Variants in DNAAF6 observed in about 807,000 individuals in gnomAD.
The protein encoded by DNAAF6 is dynein axonemal assembly factor 6.
Under a neutral mutation model 13.7 loss-of-function variants are expected in DNAAF6, and 3 were observed. That is an observed-to-expected ratio of 0.22 (90% confidence interval 0.10 to 0.56). The LOEUF is 0.56. DNAAF6 is among the 20% of genes least tolerant of loss of function. DNAAF6 has a pLI of 0.92. For synonymous variants in DNAAF6, 54 were observed against 49.2 expected (o/e 1.10, Z -0.41); for missense variants, 130 against 151.0 (o/e 0.86, Z 0.73).
chrX:107,218,642 T>G (rs184336742), intron 3 of DNAAF6, among the ~76,000 whole-genome samples: 2 of 111,265 alleles, frequency 1.8e-5, no homozygotes, highest in Admixed American at 9.6e-5. Context: ...TTTGCCAAAT[T>G]CTCTACAGTT....
At chrX:107,229,011 G>A (rs1928318247) in intron 5 of DNAAF6, among the ~76,000 whole-genome samples, 1 of 108,045 alleles carries the variant, frequency 9.3e-6, no homozygotes, top group African/African-American at 3.4e-5. Flanking sequence ...ATGAAGAGTT[G>A]TCCTACACAA....
intron 6 of DNAAF6, 145 bp from the exon 7 acceptor site, chrX:107,243,024 T>G: frequency 3.2e-6 from 2 of 625,382 alleles, no homozygotes; most frequent in Non-Finnish European, 4.7e-6. Context: ...TTTAGGCATA[T>G]TTTTGATCCA....
In DNAAF6 at chrX:107,243,307, G is replaced by A; in HGVS notation, c.*9G>A. ...TTGCTAATTTCTTCTGAAACTGCAT[G>A]AAAAAGATAAAAAGTAGTAAAATGG... On this transcript the variant is annotated 3_prime_UTR_variant, in exon 7 of 7. Transcript: ENST00000372453. The A allele has an allele frequency of 8.4e-7, 1 of 1,188,714 alleles. No homozygotes were observed. The highest frequency in any genetic ancestry group is 3.0e-5 in the East Asian group (1 of 33,432).
intron 1 of DNAAF6, among the ~76,000 whole-genome samples, chrX:107,211,316 C>T (rs977744126): frequency 9.0e-6 from 1 of 111,683 alleles, no homozygotes. Context: ...TATCAACAAA[C>T]TTGTCATGAT....
chrX:107,241,476 G>A (rs1393768064), intron 6 of DNAAF6, among the ~76,000 whole-genome samples: 1 of 111,146 alleles, frequency 9.0e-6, no homozygotes, highest in Non-Finnish European at 1.9e-5. Flanking sequence ...ATTTTGTGGT[G>A]ACCTGAATAC....
intron 5 of DNAAF6, among the ~76,000 whole-genome samples, chrX:107,232,421 C>T (rs1040335756): frequency 1.8e-5 from 2 of 111,706 alleles, no homozygotes; most frequent in Non-Finnish European, 3.8e-5. Context: ...TGACTCCTCT[C>T]CCATCACAGG....
rs182563949 is a variant in DNAAF6, at chrX:107,243,849, T to C, written c.*551T>C. The C allele has an allele frequency of 3.5e-5, 4 of 112,909 alleles. No individual in the cohort carries two copies. Among genetic ancestry groups the C allele is most frequent in the African/African-American group, 1.3e-4 (4 of 31,038 alleles). 9.3% of individuals were successfully genotyped at this position (112,909 alleles called of 1,213,427 possible). ...TTACTTCAGTAGTCTGAAAAACTTA[T>C]GCTAATTATTTACATTTACACTGTG... is the stretch of plus-strand genomic sequence containing the variant. On this transcript the variant is annotated 3_prime_UTR_variant, in exon 7 of 7. Transcript: ENST00000372453.
chrX:107,208,444 CA>C (rs1282065147), intron 1 of DNAAF6, among the ~76,000 whole-genome samples: 1 of 108,147 alleles, frequency 9.2e-6, no homozygotes, highest in African/African-American at 3.3e-5. Context: ...AACAAAAAAA[CA>C]AAAAAACCCC....
chrX:107,241,792 G>A (rs955581058), intron 6 of DNAAF6, among the ~76,000 whole-genome samples: 1 of 111,612 alleles, frequency 9.0e-6, no homozygotes, highest in African/African-American at 3.3e-5. Context: ...AAATGCAGGC[G>A]TAGATGGATC....
chrX:107,215,869 G>A (rs1186167474), intron 2 of DNAAF6, among the ~76,000 whole-genome samples: 1 of 111,431 alleles, frequency 9.0e-6, no homozygotes, highest in African/African-American at 3.3e-5. Flanking sequence ...AAAAACAATT[G>A]GTAAGAAATT....
intron 5 of DNAAF6, among the ~76,000 whole-genome samples, chrX:107,229,888 C>T (rs934461545): frequency 6.4e-5 from 7 of 109,981 alleles, no homozygotes; most frequent in Non-Finnish European, 1.1e-4. Flanking sequence ...GGGGTTTCAC[C>T]GTGTTAGCCA....
intron 5 of DNAAF6, among the ~76,000 whole-genome samples, chrX:107,227,265 T>G (rs1928276236): frequency 9.0e-6 from 1 of 110,910 alleles, no homozygotes; most frequent in South Asian, 3.9e-4. Flanking sequence ...CTAATTTTTG[T>G]ATTTTTAGTA....
At chrX:107,229,717 T>C (rs1419434124) in intron 5 of DNAAF6, among the ~76,000 whole-genome samples, 1 of 110,293 alleles carries the variant, frequency 9.1e-6, no homozygotes, top group Non-Finnish European at 1.9e-5. Flanking sequence ...CTTTTAACTC[T>C]CGCTCTGTCA....
intron 5 of DNAAF6, among the ~76,000 whole-genome samples, chrX:107,223,155 C>T (rs955128087): frequency 3.6e-5 from 4 of 111,309 alleles, no homozygotes; most frequent in Admixed American, 9.6e-5. Context: ...ATCCTAGTTC[C>T]GTCCCATGCA....
At chrX:107,237,647 C>T (rs769715246) in intron 5 of DNAAF6, among the ~76,000 whole-genome samples, 15 of 112,078 alleles carry the variant, frequency 1.3e-4, no homozygotes, top group Non-Finnish European at 2.3e-4. Flanking sequence ...TCTCCATTTC[C>T]GCAGCCCCTA....
At chrX:107,230,445 G>A (rs1363985946) in intron 5 of DNAAF6, among the ~76,000 whole-genome samples, 2 of 111,816 alleles carry the variant, frequency 1.8e-5, no homozygotes, top group African/African-American at 3.3e-5. Context: ...CACTTTGGGA[G>A]GCTGAGGCGG....
At chrX:107,218,002 A>G (rs1175284732) in intron 3 of DNAAF6, among the ~76,000 whole-genome samples, 2 of 112,551 alleles carry the variant, frequency 1.8e-5, no homozygotes, top group African/African-American at 6.5e-5. Context: ...ATAAATCTGT[A>G]GTTAGGCTTT....
chrX:107,214,635 G>T (rs1463569810), intron 2 of DNAAF6, among the ~76,000 whole-genome samples: 1 of 111,808 alleles, frequency 8.9e-6, no homozygotes, highest in Admixed American at 9.5e-5. Context: ...AAACAATTTT[G>T]AGATAATTGG....
At chrX:107,235,120 G>A (rs2147836797) in intron 5 of DNAAF6, among the ~76,000 whole-genome samples, 1 of 112,124 alleles carries the variant, frequency 8.9e-6, no homozygotes, top group Non-Finnish European at 1.9e-5. Context: ...CTCTCTTGAG[G>A]GAAGCCTCAA....
Sources: gnomAD v4.1 joint callset for allele counts (sites outside exome capture counted in the v4.1 genomes callset) on GRCh38, gnomAD v4.1.1 for gene constraint, MANE v1.5 for transcripts, NCBI Gene and HGNC (gene_info 2026-07-23, HGNC 2026-07-21) for gene names.